The following TET1 variants were observed in gnomAD, a reference collection of about 807,000 sequenced individuals.
TET1 encodes tet methylcytosine dioxygenase 1, also known as methylcytosine dioxygenase TET1.
In TET1, 13 loss-of-function variants were observed where a neutral mutation model predicts 148.7. That is an observed-to-expected ratio of 0.09 (90% CI 0.06 to 0.14). TET1 has a LOEUF of 0.14. TET1 is among the 10% of genes least tolerant of loss of function. TET1 has a pLI of 1.00. For synonymous variants in TET1, 907 were observed against 937.2 expected (o/e 0.97, Z 0.59); for missense variants, 2,182 against 2,553.8 (o/e 0.85, Z 3.14).
chr10:68,687,436 G>A (rs892619618), intron 11 of TET1, among the ~76,000 whole-genome samples: 1 of 152,014 alleles, frequency 6.6e-6, no homozygotes, highest in African/African-American at 2.4e-5. Flanking sequence ...CTCGTTGTTG[G>A]CATAGATAAG....
intron 6 of TET1, among the ~76,000 whole-genome samples, chr10:68,659,174 G>A (rs1438104791): frequency 1.3e-5 from 2 of 152,138 alleles, no homozygotes; most frequent in African/African-American, 4.8e-5. Flanking sequence ...TGAGCTTCTG[G>A]GGTAATGGCA....
intron 2 of TET1, among the ~76,000 whole-genome samples, chr10:68,595,991 CACACACACA>C (rs2053982085): frequency 1.7e-5 from 1 of 60,048 alleles, no homozygotes; most frequent in African/African-American, 6.1e-5. Flanking sequence ...TATACACACA[CACACACACA>C]CACACACACA....
At chr10:68,638,024 C>T (rs1204396137) in intron 3 of TET1, among the ~76,000 whole-genome samples, 1 of 152,172 alleles carries the variant, frequency 6.6e-6, no homozygotes, top group Non-Finnish European at 1.5e-5. Context: ...AAGTGACCCA[C>T]TCACTGCAGC....
At chr10:68,577,778 A>G (rs996031085) in intron 2 of TET1, among the ~76,000 whole-genome samples, 2 of 152,218 alleles carry the variant, frequency 1.3e-5, no homozygotes, top group Admixed American at 1.3e-4. Flanking sequence ...ATTGCACTCC[A>G]GCATGGGCGA....
At chr10:68,617,188 A>AT (rs61509147) in intron 3 of TET1, among the ~76,000 whole-genome samples, 1,403 of 136,316 alleles carry the variant, frequency 0.01, 23 homozygotes, top group African/African-American at 0.035. Flanking sequence ...CGCCTGGCTA[A>AT]TTTTTTTTTG....
At chr10:68,580,638 C>T (rs1050874085) in intron 2 of TET1, among the ~76,000 whole-genome samples, 4 of 151,046 alleles carry the variant, frequency 2.6e-5, no homozygotes, top group African/African-American at 4.9e-5. Context: ...AAAAATTAGC[C>T]GGGTGTGGTG....
At chr10:68,634,819 C>A (rs893348578) in intron 3 of TET1, among the ~76,000 whole-genome samples, 1 of 152,004 alleles carries the variant, frequency 6.6e-6, no homozygotes, top group Non-Finnish European at 1.5e-5. Context: ...GTCTGGAGTG[C>A]GGTGCTGTGA....
At chr10:68,629,395 G>T (rs959397420) in intron 3 of TET1, among the ~76,000 whole-genome samples, 1 of 151,684 alleles carries the variant, frequency 6.6e-6, no homozygotes, top group African/African-American at 2.4e-5. Flanking sequence ...AAATAAAAAT[G>T]TAGCATCAAA....
At chr10:68,596,523 A>G (rs2053991198) in intron 2 of TET1, among the ~76,000 whole-genome samples, 1 of 152,084 alleles carries the variant, frequency 6.6e-6, no homozygotes, top group South Asian at 2.1e-4. Flanking sequence ...TCCTGGGCTT[A>G]AGTGATCCTT....
At chr10:68,576,612 T>G (rs2053734450) in intron 2 of TET1, among the ~76,000 whole-genome samples, 1 of 151,938 alleles carries the variant, frequency 6.6e-6, no homozygotes, top group Non-Finnish European at 1.5e-5. Context: ...CAGTGAACAG[T>G]GATGGTGCCA....
chr10:68,645,065 T>C lies in TET1; in HGVS notation c.2336T>C (p.Ile779Thr). ...ETNVSFKKFN[I>T]EEFGKTLENN... ...AATGTTTCATTTAAAAAATTCAATA[T>C]TGAAGAATTCGGCAAGACATTGGAA... is the stretch of plus-strand genomic sequence containing the variant. Residue 779 changes from isoleucine (I) to threonine (T), a missense_variant, in exon 4 of 12, where the codon ATT becomes ACT. Coordinates refer to ENST00000373644, the MANE Select transcript of TET1 (RefSeq NM_030625.3). The C allele has an allele frequency of 1.2e-6, 2 of 1,612,610 alleles. No individual in the cohort carries two copies. Among genetic ancestry groups the C allele is most frequent in the African/African-American group, 1.3e-5 (1 of 74,944 alleles).
chr10:68,639,635 A>C lies in TET1; in HGVS notation c.1969-5063A>C, dbSNP rs558659135. Among the ~76,000 whole-genome samples the C allele has an allele frequency of 3.7e-3, 560 of 152,114 alleles. 1 individual carries two copies. The highest frequency in any genetic ancestry group is 0.013 in the African/African-American group (532 of 41,518). ...AGGCGTGCACCACCACGCTTGGCTA[A>C]TTTTTAGTAGAGACCGAGTTTCACT... is the stretch of plus-strand genomic sequence containing the variant. On this transcript the variant is annotated intron_variant, in intron 3 of 11. Transcript: ENST00000373644.
At chr10:68,601,656 C>G (rs1025155505) in intron 3 of TET1, among the ~76,000 whole-genome samples, 1 of 152,058 alleles carries the variant, frequency 6.6e-6, no homozygotes, top group Non-Finnish European at 1.5e-5. Context: ...AGCTCACAGT[C>G]TGTGTGATGA....
chr10:68,588,874 C>G (rs530683063), intron 2 of TET1, among the ~76,000 whole-genome samples: 156 of 151,438 alleles, frequency 1.0e-3, no homozygotes, highest in African/African-American at 3.5e-3. Context: ...GTAATCCCAG[C>G]ACTTTGGGAG....
rs1226651601 is a variant in TET1, at chr10:68,574,272, G to T, written c.1914+20G>T. ...CTGGAGGTAAGCAAACAGTCAAGGG[G>T]CTGGGAGACAGCTGACACTTGGTAT... On this transcript the variant is annotated intron_variant, in intron 2 of 11. Transcript: ENST00000373644. 1.3e-6 allele frequency: 2 copies of T among 1,593,428 alleles called. No homozygotes were observed. Among genetic ancestry groups the T allele is most frequent in the East Asian group, 2.2e-5 (1 of 44,764 alleles).
chr10:68,618,325 A>C (rs2054324490), intron 3 of TET1, among the ~76,000 whole-genome samples: 1 of 152,146 alleles, frequency 6.6e-6, no homozygotes, highest in African/African-American at 2.4e-5. Context: ...AGTAACTGGC[A>C]TATTTTTTAA....
chr10:68,577,004 G>T (rs2053739236), intron 2 of TET1, among the ~76,000 whole-genome samples: 1 of 151,958 alleles, frequency 6.6e-6, no homozygotes, highest in South Asian at 2.1e-4. Context: ...TGCCTCCTGG[G>T]TTCACGCCAT....
At position 68,645,721 on chromosome 10, in the gene TET1, A is replaced by G; in HGVS notation, c.2992A>G (p.Lys998Glu). ...QASTKSHEYS[K>E]VTNSLSLFIP... ...ATCCACAAAGTCACATGAATATTCAAAAGTCACAAATTCATTATCTCTTTT... is the reference window on the plus strand; with the variant it reads ...ATCCACAAAGTCACATGAATATTCAGAAGTCACAAATTCATTATCTCTTTT... The change falls in exon 4 of 12, where the codon AAA (lysine) becomes GAA (glutamate). Residue 998 changes from lysine to glutamate, a missense_variant. Physicochemically the swap from Lys to Glu is moderately conservative, Grantham distance 56. This residue lies in a region of TET1 where 582 missense variants were observed against 599.5 expected (regional missense o/e 0.97). Transcript: ENST00000373644. 1 of 1,614,238 alleles carries G rather than the reference A, an allele frequency of 6.2e-7. No homozygotes were observed. Among genetic ancestry groups the G allele is most frequent in the Non-Finnish European group, 8.5e-7 (1 of 1,180,038 alleles).
At chr10:68,613,768 C>G (rs2054250103) in intron 3 of TET1, among the ~76,000 whole-genome samples, 1 of 152,048 alleles carries the variant, frequency 6.6e-6, no homozygotes, top group South Asian at 2.1e-4. Flanking sequence ...GAAACCCTGT[C>G]TCTACCTAAA....
Sources: allele counts gnomAD v4.1 joint callset (sites outside exome capture counted in the v4.1 genomes callset), GRCh38; gene constraint gnomAD v4.1.1; regional missense constraint gnomAD v4.1.1; transcripts MANE v1.5; gene names NCBI Gene and HGNC (gene_info 2026-07-23, HGNC 2026-07-21).